The following DNAH11 variants were observed in gnomAD, a reference collection of about 807,000 sequenced individuals.
DNAH11 encodes the protein axonemal beta dynein heavy chain 11.
A neutral mutation model predicts 526.0 loss-of-function variants in DNAH11; 442 were observed. The observed-to-expected ratio is 0.84, with a 90% confidence interval of 0.78 to 0.91. The LOEUF (loss-of-function observed/expected upper bound fraction) is 0.91. Among genes scored for constraint, DNAH11 ranks in the 40% least tolerant of loss-of-function variants. The probability of loss-of-function intolerance (pLI) is 0.00; values close to 1 mark genes in which losing one functional copy is unlikely to be tolerated. For missense variants in DNAH11, 6,989 were observed against 5,448.7 expected, an observed-to-expected ratio of 1.28 and a Z score of -8.90; for synonymous variants, 2,461 against 1,935.9, an observed-to-expected ratio of 1.27 and a Z score of -7.12.
intron 43 of DNAH11, 44 bp downstream of exon 43, chr7:21,717,969 G>A (rs753585258): frequency 3.8e-6 from 6 of 1,562,238 alleles, no homozygotes; most frequent in Non-Finnish European, 5.2e-6. Flanking sequence ...TTCTGATGCG[G>A]TAGTGTTTGT....
At chr7:21,690,604 C>T (rs1014868519) in intron 34 of DNAH11, among the ~76,000 whole-genome samples, 161 bp from the exon 35 acceptor site, 1 of 152,058 alleles carries the variant, frequency 6.6e-6, no homozygotes, top group South Asian at 2.1e-4. Flanking sequence ...AAATATGCTT[C>T]AAAACATATT....
intron 2 of DNAH11, among the ~76,000 whole-genome samples, chr7:21,554,670 G>GA (rs780133677): frequency 1.3e-5 from 2 of 152,124 alleles, no homozygotes; most frequent in Non-Finnish European, 2.9e-5. Flanking sequence ...TGGATTCTAG[G>GA]AATTGGTTCA....
In DNAH11 at chr7:21,728,237, C is replaced by CTTT. The variant is rs71026816; in HGVS notation, c.7440+2289_7440+2291dup. Among the ~76,000 whole-genome samples the CTTT allele has an allele frequency of 2.5e-4, 15 of 58,946 alleles. 2 individuals carry two copies. Among genetic ancestry groups the CTTT allele is most frequent in the African/African-American group, 8.4e-4 (11 of 13,086 alleles). The allele number at this position is 58,946 out of a possible 152,430, so 38.7% of individuals were successfully genotyped here. A position where few individuals can be genotyped will look rare whatever the true frequency, so the allele number is the denominator to read the frequency against. ...TCACCCATTCCAACAGCCCACAATT[C>CTTT]TTTTTTTTTTTTTTTTTTTTTTTTT... On this transcript the variant is annotated intron_variant, in intron 45 of 81. Coordinates refer to ENST00000409508, the MANE Select transcript of DNAH11 (RefSeq NM_001277115.2).
chr7:21,678,172 CT>C lies in DNAH11; in HGVS notation c.5329-3362del, dbSNP rs34898192. Reference sequence around the variant, plus strand: ...GACCAAAGTCATGAAGCTTTTCCCACTTTTTTTTTTTTAAGGAATTTTACAG... The same window carrying C: ...GACCAAAGTCATGAAGCTTTTCCCACTTTTTTTTTTTAAGGAATTTTACAG... On this transcript the variant is annotated intron_variant, in intron 30 of 81. Transcript: ENST00000409508. Among the ~76,000 whole-genome samples, 764 of 137,950 alleles carry C rather than the reference CT, an allele frequency of 5.5e-3. 3 individuals are homozygous for C. The highest frequency in any genetic ancestry group is 0.013 in the African/African-American group (506 of 38,030). 90.5% of individuals were successfully genotyped at this position (137,950 alleles called of 152,430 possible).
intron 55 of DNAH11, among the ~76,000 whole-genome samples, chr7:21,766,704 G>T (rs1787200046): frequency 7.3e-6 from 1 of 137,854 alleles, no homozygotes. Flanking sequence ...ATTTTCCTTT[G>T]CTTCTACAAA....
intron 36 of DNAH11, 141 bp from the exon 37 acceptor site, chr7:21,702,569 A>G (rs1355606762): frequency 3.0e-6 from 2 of 673,564 alleles, no homozygotes; most frequent in East Asian, 2.8e-5. Flanking sequence ...AGTTTCAAAG[A>G]GCAGAAGAAA....
intron 63 of DNAH11, among the ~76,000 whole-genome samples, chr7:21,812,458 C>A (rs183413100): frequency 3.3e-5 from 5 of 151,646 alleles, no homozygotes; most frequent in Non-Finnish European, 7.4e-5. Flanking sequence ...CTCTTGAGGC[C>A]AGGAGTTTGA....
At chr7:21,609,802 A>T (rs1488244803) in intron 20 of DNAH11, among the ~76,000 whole-genome samples, 1 of 152,190 alleles carries the variant, frequency 6.6e-6, no homozygotes, top group Non-Finnish European at 1.5e-5. Flanking sequence ...GAAATATCAG[A>T]AGTCTAGAAC....
intron 2 of DNAH11, among the ~76,000 whole-genome samples, chr7:21,558,511 A>G (rs909900848): frequency 6.6e-6 from 1 of 152,216 alleles, no homozygotes; most frequent in African/African-American, 2.4e-5. Flanking sequence ...CAGTTTACCT[A>G]CTTGACATAG....
At chr7:21,722,490 G>A (rs1562509338) in intron 44 of DNAH11, among the ~76,000 whole-genome samples, 1 of 152,164 alleles carries the variant, frequency 6.6e-6, no homozygotes, top group Non-Finnish European at 1.5e-5. Flanking sequence ...TTTGTTCACT[G>A]TAGATCAGAA....
intron 66 of DNAH11, among the ~76,000 whole-genome samples, chr7:21,845,076 T>TA (rs771950348): frequency 5.3e-5 from 8 of 152,170 alleles, no homozygotes; most frequent in Non-Finnish European, 1.2e-4. Context: ...ATTTTTTTTT[T>TA]ATGTTAGCAT....
intron 25 of DNAH11, among the ~76,000 whole-genome samples, chr7:21,629,389 A>G (rs1176538540): frequency 6.6e-6 from 1 of 152,158 alleles, no homozygotes; most frequent in Non-Finnish European, 1.5e-5. Context: ...GTAGTTGGGT[A>G]AAATGTTCTG....
At chr7:21,726,370 G>A (rs1785105402) in intron 45 of DNAH11, among the ~76,000 whole-genome samples, 1 of 152,068 alleles carries the variant, frequency 6.6e-6, no homozygotes, top group South Asian at 2.1e-4. Flanking sequence ...CAACATTGTG[G>A]ATTACAATTC....
At chr7:21,822,150 AATTT>A (rs1314995852) in intron 65 of DNAH11, among the ~76,000 whole-genome samples, 1 of 152,088 alleles carries the variant, frequency 6.6e-6, no homozygotes, top group African/African-American at 2.4e-5. Flanking sequence ...GAGACTGGGT[AATTT>A]ATTTATTTAT....
intron 14 of DNAH11, among the ~76,000 whole-genome samples, chr7:21,597,387 T>C (rs1178736608): frequency 2.0e-5 from 3 of 152,140 alleles, no homozygotes; most frequent in African/African-American, 7.2e-5. Context: ...GTATTAGGTC[T>C]TTGTTTTCAT....
intron 45 of DNAH11, among the ~76,000 whole-genome samples, chr7:21,727,377 A>G (rs1393845859): frequency 1.3e-5 from 2 of 152,218 alleles, no homozygotes; most frequent in Non-Finnish European, 2.9e-5. Context: ...TTCTGAACTT[A>G]CTGTAAACTT....
At chr7:21,822,680 T>C (rs1335659776) in intron 65 of DNAH11, among the ~76,000 whole-genome samples, 1 of 152,244 alleles carries the variant, frequency 6.6e-6, no homozygotes, top group Non-Finnish European at 1.5e-5. Flanking sequence ...GGCATGACCA[T>C]GAGGAATCTC....
At chr7:21,735,012 T>TA (rs535942085) in intron 45 of DNAH11, among the ~76,000 whole-genome samples, 52 of 147,594 alleles carry the variant, frequency 3.5e-4, no homozygotes, top group African/African-American at 1.2e-3. Flanking sequence ...CTACTAGAAA[T>TA]AAAAAAAATT....
intron 60 of DNAH11, 49 bp downstream of exon 60, chr7:21,787,632 C>T (rs756394184): frequency 3.4e-6 from 5 of 1,459,572 alleles, no homozygotes; most frequent in Non-Finnish European, 4.6e-6. Context: ...CAAAGGGCTG[C>T]AAACACATCA....
Sources: allele counts gnomAD v4.1 joint callset (sites outside exome capture counted in the v4.1 genomes callset), GRCh38; gene constraint gnomAD v4.1.1; transcripts MANE v1.5; gene names NCBI Gene and HGNC (gene_info 2026-07-23, HGNC 2026-07-21).